The following CSMD1 variants were observed in gnomAD, a reference collection of about 807,000 sequenced individuals.
The protein encoded by CSMD1 is CUB and sushi domain-containing protein 1.
A neutral mutation model predicts 417.5 loss-of-function variants in CSMD1; 213 were observed. The ratio of observed to expected loss-of-function variants is 0.51; its 90% CI spans 0.46 to 0.57. CSMD1 has a LOEUF of 0.57. Among genes scored for constraint, CSMD1 ranks in the 20% least tolerant of loss-of-function variants. The pLI is 0.00. For missense variants in CSMD1, 6,923 were observed against 4,529.7 expected (o/e 1.53, Z -15.17); for synonymous variants, 2,862 against 1,736.8 (o/e 1.65, Z -16.11).
At chr8:4,255,687 G>A (rs1194011909) in intron 3 of CSMD1, among the ~76,000 whole-genome samples, 1 of 152,164 alleles carries the variant, frequency 6.6e-6, no homozygotes, top group East Asian at 1.9e-4. Flanking sequence ...AAGAGTTAAG[G>A]TAGTTGAATT....
At chr8:4,681,687 C>A (rs1199067719) in intron 1 of CSMD1, among the ~76,000 whole-genome samples, 2 of 152,078 alleles carry the variant, frequency 1.3e-5, no homozygotes, top group African/African-American at 2.4e-5. Context: ...TTTCCTCATA[C>A]AAAATAACCC....
chr8:3,284,389 C>G (rs759918774), intron 25 of CSMD1, 43 bp from the exon 26 acceptor site: 1 of 1,458,298 alleles, frequency 6.9e-7, no homozygotes, highest in Non-Finnish European at 9.6e-7. Flanking sequence ...GTGCATCGAG[C>G]ATGTCCTGAC....
At chr8:3,651,142 T>C (rs551352734) in intron 7 of CSMD1, among the ~76,000 whole-genome samples, 1 of 152,308 alleles carries the variant, frequency 6.6e-6, no homozygotes, top group African/African-American at 2.4e-5. Context: ...CAGCAGTAGC[T>C]TTCTTGCCGG....
intron 3 of CSMD1, among the ~76,000 whole-genome samples, chr8:4,248,950 A>G (rs529895112): frequency 1.7e-4 from 26 of 152,332 alleles, no homozygotes; most frequent in African/African-American, 6.0e-4. Context: ...GCATAATACC[A>G]TAATGCTACT....
At chr8:3,199,083 A>C (rs1301276811) in intron 33 of CSMD1, among the ~76,000 whole-genome samples, 1 of 152,238 alleles carries the variant, frequency 6.6e-6, no homozygotes, top group South Asian at 2.1e-4. Context: ...TGCAAAACAA[A>C]AGTGAAACAA....
chr8:3,818,247 G>A (rs535673078), intron 5 of CSMD1, among the ~76,000 whole-genome samples: 4 of 152,170 alleles, frequency 2.6e-5, no homozygotes, highest in South Asian at 2.1e-4. Flanking sequence ...CCCTGGGTCC[G>A]TGCAGCACAG....
At chr8:4,300,187 G>C (rs1045430111) in intron 3 of CSMD1, among the ~76,000 whole-genome samples, 1 of 152,066 alleles carries the variant, frequency 6.6e-6, no homozygotes, top group Non-Finnish European at 1.5e-5. Flanking sequence ...TTTCCTTTTT[G>C]CCTATCTCAC....
At chr8:3,554,393 G>A (rs1014663423) in intron 10 of CSMD1, among the ~76,000 whole-genome samples, 2 of 152,192 alleles carry the variant, frequency 1.3e-5, no homozygotes, top group Non-Finnish European at 2.9e-5. Context: ...TGAGGAGGAA[G>A]ACAATGAAGC....
chr8:4,909,921 G>C (rs968289713), intron 1 of CSMD1, among the ~76,000 whole-genome samples: 1 of 152,102 alleles, frequency 6.6e-6, no homozygotes, highest in Non-Finnish European at 1.5e-5. Flanking sequence ...ATGGGAGTGA[G>C]CCCTTTACAC....
intron 3 of CSMD1, among the ~76,000 whole-genome samples, chr8:4,327,926 A>T (rs368102694): frequency 6.6e-6 from 1 of 152,138 alleles, no homozygotes; most frequent in Non-Finnish European, 1.5e-5. Flanking sequence ...TGCTCACCAC[A>T]TAATTGGCAC....
chr8:4,312,392 TAC>T (rs72262767), intron 3 of CSMD1, among the ~76,000 whole-genome samples: 78,777 of 115,824 alleles, frequency 0.68, 27,208 homozygotes, highest in Admixed American at 0.79. Flanking sequence ...TATATATATA[TAC>T]ATACATATAT....
chr8:4,394,304 T>C (rs528344602), intron 3 of CSMD1, among the ~76,000 whole-genome samples: 1 of 152,272 alleles, frequency 6.6e-6, no homozygotes, highest in African/African-American at 2.4e-5. Flanking sequence ...ATGTTTACCC[T>C]CCTATGTTTC....
At chr8:3,151,592 C>G (rs1442582150) in intron 39 of CSMD1, 79 bp from the exon 40 acceptor site, 1 of 863,850 alleles carries the variant, frequency 1.2e-6, no homozygotes. Context: ...CTTCACTCAA[C>G]TATGCTGAGA....
At chr8:3,439,254 T>G (rs1318726376) in intron 12 of CSMD1, among the ~76,000 whole-genome samples, 2 of 134,672 alleles carry the variant, frequency 1.5e-5, no homozygotes, top group Non-Finnish European at 3.1e-5. Context: ...ACTCAACTTC[T>G]CTATTTGAGA....
intron 3 of CSMD1, among the ~76,000 whole-genome samples, chr8:4,084,333 GAA>G (rs56138357): frequency 1.8e-4 from 27 of 147,078 alleles, no homozygotes; most frequent in South Asian, 1.1e-3. Flanking sequence ...TGTTAAAAAA[GAA>G]AAAAAAAAAC....
intron 3 of CSMD1, among the ~76,000 whole-genome samples, chr8:4,107,922 G>A (rs377256760): frequency 6.6e-6 from 1 of 152,200 alleles, no homozygotes; most frequent in African/African-American, 2.4e-5. Context: ...TAACATTTTC[G>A]TCAAAGTTTT....
chr8:3,328,251 G>C (rs1806664200), intron 23 of CSMD1, among the ~76,000 whole-genome samples: 1 of 152,128 alleles, frequency 6.6e-6, no homozygotes, highest in African/African-American at 2.4e-5. Flanking sequence ...CTACATTCCT[G>C]TAAGCATAGG....
chr8:4,619,074 C>T (rs554826269), intron 2 of CSMD1, among the ~76,000 whole-genome samples: 2 of 152,208 alleles, frequency 1.3e-5, no homozygotes, highest in African/African-American at 4.8e-5. Flanking sequence ...GGTACGAAAG[C>T]CAAACAAATA....
At chr8:3,512,138 C>G (rs1040621104) in intron 10 of CSMD1, among the ~76,000 whole-genome samples, 1 of 152,194 alleles carries the variant, frequency 6.6e-6, no homozygotes, top group Non-Finnish European at 1.5e-5. Context: ...CCCAACCACG[C>G]TCATAGCACC....
Sources: gnomAD v4.1 joint callset for allele counts (sites outside exome capture counted in the v4.1 genomes callset) on GRCh38, gnomAD v4.1.1 for gene constraint, MANE v1.5 for transcripts, NCBI Gene and HGNC (gene_info 2026-07-23, HGNC 2026-07-21) for gene names.